STXBP4: variants seen among roughly 807,000 people sequenced by gnomAD.
STXBP4 encodes syntaxin binding protein 4.
STXBP4 carries 55 observed loss-of-function variants against 76.1 expected under a neutral mutation model. The ratio of observed to expected loss-of-function variants is 0.72; its 90% CI spans 0.58 to 0.91. The LOEUF is 0.91. STXBP4 is among the 40% of genes least tolerant of loss of function. The pLI, the probability that STXBP4 is intolerant of heterozygous loss-of-function variation, is 0.00. For missense variants in STXBP4, 618 were observed against 636.9 expected (o/e 0.97, Z 0.32); for synonymous variants, 201 against 220.2 (o/e 0.91, Z 0.77).
At chr17:55,111,161 G>T (rs1331530594) in intron 16 of STXBP4, among the ~76,000 whole-genome samples, 1 of 152,022 alleles carries the variant, frequency 6.6e-6, no homozygotes, top group African/African-American at 2.4e-5. Flanking sequence ...CTATTCTCTA[G>T]TAGCCTTCAA....
At chr17:55,182,517 A>T in the STXBP4 span, among the ~76,000 whole-genome samples, 1 of 152,178 alleles carries the variant, frequency 6.6e-6, no homozygotes, top group Non-Finnish European at 1.5e-5. Flanking sequence ...GAATATACAG[A>T]GGGAAATAAT....
chr17:55,046,329 C>A (rs1177286021), intron 11 of STXBP4, among the ~76,000 whole-genome samples: 1 of 151,854 alleles, frequency 6.6e-6, no homozygotes, highest in East Asian at 1.9e-4. Context: ...CAAGAATAAG[C>A]TGAAATATAC....
intron 4 of STXBP4, among the ~76,000 whole-genome samples, chr17:54,995,306 G>C (rs139580585): frequency 3.3e-5 from 5 of 152,100 alleles, no homozygotes; most frequent in African/African-American, 1.2e-4. Context: ...TCAGATTTCC[G>C]ACAACACTTT....
At chr17:55,118,988 G>C (rs2079813676) in intron 16 of STXBP4, among the ~76,000 whole-genome samples, 1 of 149,382 alleles carries the variant, frequency 6.7e-6, no homozygotes, top group South Asian at 2.1e-4. Flanking sequence ...TAAGTTCTAG[G>C]TTACATGTGC....
chr17:55,148,314 A>G (rs987346184), intron 17 of STXBP4, among the ~76,000 whole-genome samples: 1 of 152,148 alleles, frequency 6.6e-6, no homozygotes, highest in African/African-American at 2.4e-5. Flanking sequence ...GTGTCATCTC[A>G]TTTATAAACA....
At chr17:55,153,533 A>G (rs541116343) in intron 17 of STXBP4, among the ~76,000 whole-genome samples, 92 of 151,532 alleles carry the variant, frequency 6.1e-4, no homozygotes, top group Non-Finnish European at 6.3e-4. Flanking sequence ...ATAGATAAAC[A>G]TAACATTAGA....
chr17:54,975,488 A>G (rs566864695), intron 1 of STXBP4, among the ~76,000 whole-genome samples: 33 of 152,310 alleles, frequency 2.2e-4, no homozygotes, highest in Middle Eastern at 3.4e-3. Context: ...CACATGATTC[A>G]GGCCAAAGCA....
chr17:55,003,656 A>T (rs1284980026), intron 7 of STXBP4, among the ~76,000 whole-genome samples: 1 of 152,236 alleles, frequency 6.6e-6, no homozygotes, highest in African/African-American at 2.4e-5. Context: ...ATGTAATTAG[A>T]TAGTTCTATT....
intron 7 of STXBP4, among the ~76,000 whole-genome samples, chr17:55,003,885 G>A (rs553088576): frequency 2.0e-5 from 3 of 152,122 alleles, no homozygotes; most frequent in African/African-American, 7.2e-5. Flanking sequence ...ATAAACAATT[G>A]TTGCAGCCAG....
chr17:55,152,462 A>G (rs1218619170), intron 17 of STXBP4, among the ~76,000 whole-genome samples: 3 of 152,170 alleles, frequency 2.0e-5, no homozygotes, highest in African/African-American at 7.2e-5. Context: ...ACACTGCTAT[A>G]AAGATATCAC....
intron 4 of STXBP4, among the ~76,000 whole-genome samples, chr17:54,994,339 A>G (rs1567708347): frequency 1.3e-5 from 2 of 152,194 alleles, no homozygotes; most frequent in South Asian, 2.1e-4. Flanking sequence ...TCTCAAACTC[A>G]GCATTTCTGA....
chr17:55,067,995 G>GC (rs2079074378), intron 12 of STXBP4, among the ~76,000 whole-genome samples: 1 of 152,100 alleles, frequency 6.6e-6, no homozygotes, highest in East Asian at 1.9e-4. Flanking sequence ...ACACATTCAT[G>GC]CCTGAGGGGT....
chr17:55,107,529 G>A (rs1181966152), intron 16 of STXBP4, among the ~76,000 whole-genome samples: 1 of 152,174 alleles, frequency 6.6e-6, no homozygotes, highest in Non-Finnish European at 1.5e-5. Context: ...TCTGGTTTTT[G>A]GAATTTTCAG....
the STXBP4 span, among the ~76,000 whole-genome samples, chr17:55,179,987 A>G: frequency 2.0e-5 from 3 of 152,166 alleles, no homozygotes; most frequent in Non-Finnish European, 4.4e-5. Flanking sequence ...TCAAACCGAT[A>G]TCTCATTTAC....
At chr17:55,127,993 TTGTA>T (rs1356212750) in intron 16 of STXBP4, among the ~76,000 whole-genome samples, 15 of 152,260 alleles carry the variant, frequency 9.9e-5, no homozygotes, top group African/African-American at 3.4e-4. Flanking sequence ...ATTTCTAAAA[TTGTA>T]TGTCTATTGA....
intron 16 of STXBP4, among the ~76,000 whole-genome samples, chr17:55,126,466 G>A (rs1352502455): frequency 6.6e-6 from 1 of 152,114 alleles, no homozygotes; most frequent in African/African-American, 2.4e-5. Flanking sequence ...TGCCTCTTGG[G>A]GCACAGAAGT....
chr17:54,975,354 G>C (rs1487539031), intron 1 of STXBP4, among the ~76,000 whole-genome samples: 1 of 152,082 alleles, frequency 6.6e-6, no homozygotes, highest in East Asian at 1.9e-4. Flanking sequence ...TTTTCATTTT[G>C]TATTGGGCCC....
intron 17 of STXBP4, among the ~76,000 whole-genome samples, chr17:55,157,487 T>C (rs1299352546): frequency 6.6e-6 from 1 of 152,214 alleles, no homozygotes; most frequent in Admixed American, 6.5e-5. Context: ...GAAATTCCAT[T>C]AAACCATTTT....
At chr17:54,993,925 A>G (rs2077758826) in intron 4 of STXBP4, among the ~76,000 whole-genome samples, 1 of 152,292 alleles carries the variant, frequency 6.6e-6, no homozygotes, top group South Asian at 2.1e-4. Flanking sequence ...CGCAGAAGAA[A>G]TTTTCTTTAA....
Sources: gnomAD v4.1 joint callset for allele counts (sites outside exome capture counted in the v4.1 genomes callset) on GRCh38, gnomAD v4.1.1 for gene constraint, MANE v1.5 for transcripts, NCBI Gene and HGNC (gene_info 2026-07-23, HGNC 2026-07-21) for gene names.